Variants in LDLRAD4 observed in about 807,000 individuals in gnomAD.
The protein encoded by LDLRAD4 is low-density lipoprotein receptor class A domain-containing protein 4.
In LDLRAD4, 5 loss-of-function variants were observed where a neutral mutation model predicts 17.0. That is an observed-to-expected ratio of 0.29 (90% CI 0.15 to 0.62). The LOEUF is 0.62. Ranked by LOEUF, LDLRAD4 falls within the 20% of genes least tolerant of loss-of-function variation. The pLI, the probability that LDLRAD4 is intolerant of heterozygous loss-of-function variation, is 0.84. For missense variants in LDLRAD4, 340 were observed against 424.7 expected (o/e 0.80, Z 1.75); for synonymous variants, 168 against 171.8 (o/e 0.98, Z 0.17).
intron 3 of LDLRAD4, among the ~76,000 whole-genome samples, chr18:13,505,769 G>T (rs2147363207): frequency 6.6e-6 from 1 of 152,210 alleles, no homozygotes; most frequent in South Asian, 2.1e-4. Context: ...AGTGAGCCGA[G>T]ATCGCACCAC....
intron 1 of LDLRAD4, among the ~76,000 whole-genome samples, chr18:13,357,043 A>T (rs946010284): frequency 7.9e-5 from 12 of 152,174 alleles, no homozygotes; most frequent in Middle Eastern, 3.2e-3. Context: ...CTGAGGCAGG[A>T]GAATGGCGTG....
intron 1 of LDLRAD4, among the ~76,000 whole-genome samples, chr18:13,327,338 A>G (rs2081590751): frequency 6.6e-6 from 1 of 152,100 alleles, no homozygotes; most frequent in African/African-American, 2.4e-5. Context: ...TGTGGCCCCA[A>G]GGGACATGGG....
At chr18:13,454,198 G>A (rs1290379164) in intron 3 of LDLRAD4, among the ~76,000 whole-genome samples, 1 of 152,226 alleles carries the variant, frequency 6.6e-6, no homozygotes, top group African/African-American at 2.4e-5. Context: ...TGGAGGGAAT[G>A]TTAGCAATGA....
intron 1 of LDLRAD4, among the ~76,000 whole-genome samples, chr18:13,311,167 A>C (rs2047210685): frequency 6.6e-6 from 1 of 152,214 alleles, no homozygotes; most frequent in South Asian, 2.1e-4. Flanking sequence ...TGAGTCCATG[A>C]GAGCTTACTG....
intron 1 of LDLRAD4, among the ~76,000 whole-genome samples, chr18:13,226,461 G>T (rs1426944274): frequency 1.3e-5 from 2 of 151,664 alleles, no homozygotes; most frequent in Non-Finnish European, 2.9e-5. Flanking sequence ...CAGAGAAGAG[G>T]GTGACTGCAC....
intron 1 of LDLRAD4, among the ~76,000 whole-genome samples, chr18:13,319,832 C>T (rs377055856): frequency 2.6e-5 from 4 of 152,268 alleles, no homozygotes; most frequent in Admixed American, 6.5e-5. Flanking sequence ...TCAATATTTC[C>T]GGGAACAGTT....
chr18:13,368,127 G>A (rs554155449), intron 1 of LDLRAD4, among the ~76,000 whole-genome samples: 2 of 152,250 alleles, frequency 1.3e-5, no homozygotes, highest in Non-Finnish European at 1.5e-5. Flanking sequence ...CTTTCTAGGA[G>A]GCAGCTAGCA....
Position 13,365,112 on chromosome 18 carries a change from G to A in LDLRAD4, c.-382-22229G>A, listed in dbSNP as rs187195886. On this transcript the variant is annotated intron_variant, in intron 1 of 5. Transcript: ENST00000359446. ...CAGGGAAAGGTGAACGTAGCTAGGA[G>A]TCATCAGAAATGCGTTTGCATTGCT... Among the ~76,000 whole-genome samples, 385 of 152,342 alleles carry A rather than the reference G, an allele frequency of 2.5e-3. 1 individual carries two copies. Among genetic ancestry groups the A allele is most frequent in the African/African-American group, 8.6e-3 (357 of 41,584 alleles).
At position 13,645,227 on chromosome 18, in the gene LDLRAD4, A is replaced by G; in HGVS notation, c.491A>G (p.His164Arg). 2 of 1,614,040 alleles carry G rather than the reference A, an allele frequency of 1.2e-6. No individual in the cohort carries two copies. Among genetic ancestry groups the G allele is most frequent in the Non-Finnish European group, 1.7e-6 (2 of 1,179,992 alleles). ...CAGCCCACCTACCCCTATGTGCAGC[A>G]CGAGATTGATCTTCCTCCCACCATC... Residue 164 changes from histidine (H) to arginine (R), a missense_variant, in exon 6 of 6, where the codon CAC becomes CGC. Coordinates refer to ENST00000359446, the Ensembl canonical transcript of LDLRAD4. This position sits in a 1 kb window ranked among gnomAD's most constrained non-coding sequence, Gnocchi z 5.7.
chr18:13,307,954 G>C (rs983722287), intron 1 of LDLRAD4, among the ~76,000 whole-genome samples: 6 of 152,192 alleles, frequency 3.9e-5, no homozygotes, highest in African/African-American at 1.4e-4. Flanking sequence ...GCAACTATCA[G>C]ATGGTTCAGA....
At chr18:13,410,771 GA>G (rs1307644869) in intron 2 of LDLRAD4, among the ~76,000 whole-genome samples, 2 of 152,212 alleles carry the variant, frequency 1.3e-5, no homozygotes, top group Admixed American at 6.5e-5. Context: ...TATTTCTTGG[GA>G]AACTGAAAGC....
chr18:13,494,564 G>A (rs963566090), intron 3 of LDLRAD4, among the ~76,000 whole-genome samples: 1 of 149,130 alleles, frequency 6.7e-6, no homozygotes, highest in Admixed American at 6.8e-5. Flanking sequence ...TGTAATTGCT[G>A]CAGTTTGGAA....
chr18:13,374,717 G>A (rs565211128), intron 1 of LDLRAD4, among the ~76,000 whole-genome samples: 1 of 152,260 alleles, frequency 6.6e-6, no homozygotes, highest in African/African-American at 2.4e-5. Context: ...AGTGGGACCC[G>A]TGCTCTGAAA....
chr18:13,410,256 C>T (rs146358930), intron 2 of LDLRAD4, among the ~76,000 whole-genome samples: 189 of 151,658 alleles, frequency 1.2e-3, no homozygotes, highest in Non-Finnish European at 2.4e-3. Context: ...GCTAAGGAGA[C>T]GGGACAAACA....
rs970254790 is a variant in LDLRAD4, at chr18:13,540,838, G to A, written c.182-80279G>A. On this transcript the variant is annotated intron_variant, in intron 3 of 5. Transcript: ENST00000359446. The stretch of plus-strand genomic sequence containing the variant: ...TAAGATGGAAGGTTCTGGGTGTCTC[G>A]ACCGTGTTTTTCTTCCTGTCTCACT... Among the ~76,000 whole-genome samples the A allele has an allele frequency of 2.0e-4, 31 of 152,286 alleles. 1 individual carries two copies. Among genetic ancestry groups the A allele is most frequent in the Admixed American group, 1.8e-3 (28 of 15,296 alleles).
intron 1 of LDLRAD4, chr18:13,241,257 C>T (rs1453186470): frequency 6.6e-6 from 1 of 152,202 alleles, no homozygotes; most frequent in Admixed American, 6.5e-5. Context: ...CTGTTGGACA[C>T]CTCACATGGC....
intron 3 of LDLRAD4, among the ~76,000 whole-genome samples, chr18:13,609,695 G>A (rs1235693987): frequency 5.3e-5 from 8 of 152,204 alleles, no homozygotes; most frequent in Non-Finnish European, 7.3e-5. Context: ...CTCCATGGCC[G>A]GGCGTGGTGG....
At chr18:13,593,409 C>G (rs1259413551) in intron 3 of LDLRAD4, among the ~76,000 whole-genome samples, 1 of 152,116 alleles carries the variant, frequency 6.6e-6, no homozygotes, top group Non-Finnish European at 1.5e-5. Context: ...TCTTCCTGTC[C>G]TTTCCTCGCG....
At position 13,610,924 on chromosome 18, in the gene LDLRAD4, T is replaced by C. The variant is rs117808549; in HGVS notation, c.182-10193T>C. 3.6e-3 allele frequency among the ~76,000 whole-genome samples: 550 copies of C among 152,318 alleles called. 2 individuals carry two copies. The highest frequency in any genetic ancestry group is 4.5e-3 in the Non-Finnish European group (305 of 68,012). The stretch of plus-strand genomic sequence containing the variant: ...TTCGGAAATTGCTCAGGAAGAATCA[T>C]ACCATCCGGATTTCCCTCGCGGCTG... On this transcript the variant is annotated intron_variant, in intron 3 of 5. Transcript: ENST00000359446.
Sources: allele counts gnomAD v4.1 joint callset (sites outside exome capture counted in the v4.1 genomes callset), GRCh38; gene constraint gnomAD v4.1.1; non-coding constraint Gnocchi (gnomAD v3.1); transcripts MANE v1.5; gene names NCBI Gene and HGNC (gene_info 2026-07-23, HGNC 2026-07-21).